LPIN1: variants seen among roughly 807,000 people sequenced by gnomAD.
The protein encoded by LPIN1 is phosphatidate phosphatase LPIN1.
A neutral mutation model predicts 107.5 loss-of-function variants in LPIN1; 71 were observed. That is an observed-to-expected ratio of 0.66 (90% CI 0.55 to 0.80). The LOEUF (loss-of-function observed/expected upper bound fraction) is 0.80. LPIN1 is among the 30% of genes least tolerant of loss of function. The pLI is 0.00. For synonymous variants in LPIN1, 445 were observed against 452.6 expected, an observed-to-expected ratio of 0.98 and a Z score of 0.21; for missense variants, 1,043 against 1,160.6, an observed-to-expected ratio of 0.90 and a Z score of 1.47.
chr2:11,701,176 C>A (rs1662853863), intron 1 of LPIN1, among the ~76,000 whole-genome samples: 1 of 152,214 alleles, frequency 6.6e-6, no homozygotes, highest in African/African-American at 2.4e-5. Context: ...CCTGACCCCT[C>A]CCCACCTTTC....
At chr2:11,801,563 G>C (rs1304444468) in intron 14 of LPIN1, among the ~76,000 whole-genome samples, 2 of 152,280 alleles carry the variant, frequency 1.3e-5, no homozygotes, top group East Asian at 3.9e-4. Flanking sequence ...TGATTTCATG[G>C]AGGTAGAGAG....
chr2:11,787,205 A>C, intron 11 of LPIN1, 38 bp downstream of exon 11: 1 of 1,318,276 alleles, frequency 7.6e-7, no homozygotes, highest in Non-Finnish European at 1.1e-6. Context: ...CAGTAGCATG[A>C]TACTGTTTCT....
At chr2:11,709,056 TACAC>T (rs1663273016) in intron 1 of LPIN1, among the ~76,000 whole-genome samples, 1 of 152,186 alleles carries the variant, frequency 6.6e-6, no homozygotes, top group South Asian at 2.1e-4. Context: ...TAGATCATTC[TACAC>T]AGTTTGACTC....
chr2:11,706,872 T>C (rs536285828), intron 1 of LPIN1, among the ~76,000 whole-genome samples: 2 of 152,196 alleles, frequency 1.3e-5, no homozygotes, highest in Non-Finnish European at 2.9e-5. Context: ...CCTAAAATGA[T>C]GTGCAGGTTT....
intron 2 of LPIN1, among the ~76,000 whole-genome samples, chr2:11,719,221 T>C (rs1486358075): frequency 6.6e-6 from 1 of 152,260 alleles, no homozygotes; most frequent in Admixed American, 6.5e-5. Context: ...TTGTTTCCCC[T>C]GTTTGTTATT....
intron 8 of LPIN1, 144 bp downstream of exon 8, chr2:11,782,651 C>A (rs1421465396): frequency 2.2e-6 from 2 of 924,012 alleles, no homozygotes; most frequent in Non-Finnish European, 3.3e-6. Context: ...AGCTCTTCAG[C>A]AGAATATATT....
intron 17 of LPIN1, among the ~76,000 whole-genome samples, chr2:11,811,160 C>T (rs1679577689): frequency 6.6e-6 from 1 of 152,198 alleles, no homozygotes; most frequent in Non-Finnish European, 1.5e-5. Flanking sequence ...TGTGCGTACC[C>T]CAAGCCCCGT....
chr2:11,799,698 T>C (rs188104877), intron 14 of LPIN1, among the ~76,000 whole-genome samples: 251 of 152,210 alleles, frequency 1.6e-3, no homozygotes, highest in African/African-American at 5.8e-3. Flanking sequence ...CTGGGGCTTA[T>C]GTCTGGGTCT....
At chr2:11,712,891 C>T (rs137861437) in intron 1 of LPIN1, among the ~76,000 whole-genome samples, 53 of 152,284 alleles carry the variant, frequency 3.5e-4, no homozygotes, top group African/African-American at 1.3e-3. Context: ...GTCCTACCTG[C>T]TAGGATAACG....
In LPIN1 at chr2:11,737,271, C is replaced by T. The variant is rs188400469; in HGVS notation, c.-71-4078C>T. Among the ~76,000 whole-genome samples the T allele has an allele frequency of 5.3e-5, 8 of 152,212 alleles. No homozygotes were observed. The East Asian group carries it at 1.5e-3, about 29-fold the overall frequency. ...AAGACTTAAACATAAGACCTAAAAC[C>T]ATAAAAACCCTAGAAGAAAACCTAG... is the stretch of plus-strand genomic sequence containing the variant. On this transcript the variant is annotated intron_variant, in intron 1 of 21. Coordinates refer to the LPIN1 transcript ENST00000396097.
intron 1 of LPIN1, chr2:11,713,692 C>G: frequency 1.0e-6 from 1 of 962,940 alleles, no homozygotes; most frequent in East Asian, 2.6e-5. Context: ...AGTTATGCAA[C>G]CATTACCACC....
chr2:11,736,285 A>T (rs1043894394), intron 1 of LPIN1, among the ~76,000 whole-genome samples: 1 of 152,134 alleles, frequency 6.6e-6, no homozygotes, highest in Non-Finnish European at 1.5e-5. Flanking sequence ...AAAAGACAGA[A>T]ATTTCTATCT....
At position 11,782,165 on chromosome 2, in the gene LPIN1, G is replaced by GTC. The variant is rs370353314; in HGVS notation, c.958-26_958-25dup. On this transcript the variant is annotated intron_variant, in intron 7 of 20. Transcript: ENST00000674199. Reference sequence around the variant, plus strand: ...TTCTGGTTGCCTTTGTGCTGACCTTGTCTCTCTCTCTGTCCCTCTCTCCTC... The same window carrying GTC: ...TTCTGGTTGCCTTTGTGCTGACCTTGTCTCTCTCTCTCTGTCCCTCTCTCCTC... The GTC allele has an allele frequency of 4.2e-5, 65 of 1,544,106 alleles. No individual in the cohort carries two copies. The African/African-American group carries it at 5.0e-4, about 12-fold the overall frequency.
intron 12 of LPIN1, among the ~76,000 whole-genome samples, chr2:11,789,169 T>C (rs1259492178): frequency 3.3e-5 from 5 of 152,274 alleles, no homozygotes; most frequent in Non-Finnish European, 7.3e-5. Context: ...AGCTTTTGTA[T>C]GGCTTAGGAT....
intron 1 of LPIN1, among the ~76,000 whole-genome samples, chr2:11,684,931 C>T (rs565201122): frequency 1.3e-3 from 148 of 117,772 alleles, no homozygotes; most frequent in Non-Finnish European, 2.3e-3. Flanking sequence ...GGAAATGAGC[C>T]GTGAATAAAA....
intron 1 of LPIN1, among the ~76,000 whole-genome samples, chr2:11,711,798 C>T (rs1663430623): frequency 6.6e-6 from 1 of 152,190 alleles, no homozygotes; most frequent in Admixed American, 6.5e-5. Flanking sequence ...TCGAATCCAT[C>T]CTCCATGCGG....
chr2:11,737,459 G>C (rs965559712), intron 1 of LPIN1, among the ~76,000 whole-genome samples: 2 of 152,100 alleles, frequency 1.3e-5, no homozygotes, highest in African/African-American at 4.8e-5. Flanking sequence ...CCTACAGAAT[G>C]GGAGAAAATT....
chr2:11,753,989 T>C (rs766857352), intron 1 of LPIN1, among the ~76,000 whole-genome samples: 7 of 152,098 alleles, frequency 4.6e-5, no homozygotes, highest in Non-Finnish European at 8.8e-5. Flanking sequence ...AGTCCCCAGG[T>C]GCTGAGACAC....
At chr2:11,706,023 T>C (rs149008367) in intron 1 of LPIN1, among the ~76,000 whole-genome samples, 4,777 of 152,210 alleles carry the variant, frequency 0.031, 124 homozygotes, top group Middle Eastern at 0.1. Flanking sequence ...AAATGAGAGT[T>C]TCCCTGCACA....
Sources: gnomAD v4.1 joint callset for allele counts (sites outside exome capture counted in the v4.1 genomes callset) on GRCh38, gnomAD v4.1.1 for gene constraint, MANE v1.5 for transcripts, NCBI Gene and HGNC (gene_info 2026-07-23, HGNC 2026-07-21) for gene names.